The following BNC2 variants were observed in gnomAD, a reference collection of about 807,000 sequenced individuals.
BNC2 encodes the protein basonuclin zinc finger protein 2.
A neutral mutation model predicts 76.3 loss-of-function variants in BNC2; 20 were observed. The ratio of observed to expected loss-of-function variants is 0.26; its 90% CI spans 0.18 to 0.38. The LOEUF (loss-of-function observed/expected upper bound fraction) is 0.38. Ranked by LOEUF, BNC2 falls within the 10% of genes least tolerant of loss-of-function variation. The pLI is 1.00. For missense variants in BNC2, 1,382 were observed against 1,399.8 expected (o/e 0.99, Z 0.20); for synonymous variants, 582 against 514.8 (o/e 1.13, Z -1.77).
chr9:16,572,280 T>C (rs923608631), intron 4 of BNC2, among the ~76,000 whole-genome samples: 1 of 152,228 alleles, frequency 6.6e-6, no homozygotes, highest in Non-Finnish European at 1.5e-5. Context: ...CTTTCACTTA[T>C]TTTGTTGTCT....
At chr9:16,678,418 C>T (rs1032049974) in intron 3 of BNC2, among the ~76,000 whole-genome samples, 2 of 151,404 alleles carry the variant, frequency 1.3e-5, no homozygotes, top group Non-Finnish European at 2.9e-5. Context: ...CAGGCACACG[C>T]CACCATGCCC....
At chr9:16,686,796 T>C (rs958651306) in intron 3 of BNC2, among the ~76,000 whole-genome samples, 20 of 152,166 alleles carry the variant, frequency 1.3e-4, no homozygotes, top group African/African-American at 4.8e-4. Flanking sequence ...TGAATATCAC[T>C]GGAAAGAAAA....
intron 5 of BNC2, among the ~76,000 whole-genome samples, chr9:16,472,538 C>G (rs1821847499): frequency 6.6e-6 from 1 of 152,214 alleles, no homozygotes; most frequent in South Asian, 2.1e-4. Context: ...GCTTAGTTAC[C>G]TTCCAACTCC....
chr9:16,793,992 G>A (rs770584152), intron 1 of BNC2, among the ~76,000 whole-genome samples: 4 of 150,670 alleles, frequency 2.7e-5, no homozygotes, highest in South Asian at 2.1e-4. Flanking sequence ...GTGAGCCACC[G>A]CGCCGGGCCT....
chr9:16,461,455 T>C (rs543118947), intron 5 of BNC2, among the ~76,000 whole-genome samples: 4 of 152,320 alleles, frequency 2.6e-5, no homozygotes, highest in East Asian at 1.9e-4. Flanking sequence ...AATGAAGCAA[T>C]TGCATAGGTT....
intron 2 of BNC2, among the ~76,000 whole-genome samples, chr9:16,730,359 G>A (rs1033976218): frequency 2.0e-5 from 3 of 152,130 alleles, no homozygotes; most frequent in Admixed American, 2.0e-4. Flanking sequence ...TGAGAAATGT[G>A]CTCAAAGCAA....
intron 1 of BNC2, among the ~76,000 whole-genome samples, chr9:16,845,698 G>A (rs956638743): frequency 6.6e-6 from 1 of 152,072 alleles, no homozygotes; most frequent in Admixed American, 6.6e-5. Context: ...TCCAGCCTGG[G>A]CGACAAAGCA....
At chr9:16,434,931 C>T in intron 6 of BNC2, 2 of 469,530 alleles carry the variant, frequency 4.3e-6, no homozygotes, top group Non-Finnish European at 8.8e-6. Flanking sequence ...CCCACATCAA[C>T]AATTACATCT....
rs1281308581 is a variant in BNC2 at position 16,411,329 on chromosome 9, A to G, written c.*7660T>C. 6.6e-6 allele frequency: 1 copy of G among 152,610 alleles called. No homozygotes were observed. The highest frequency in any genetic ancestry group is 1.5e-5 in the Non-Finnish European group (1 of 68,036). The allele number at this position is 152,610 out of a possible 1,614,324, so 9.5% of individuals were successfully genotyped here. On this transcript the variant is annotated 3_prime_UTR_variant, in exon 7 of 7. Transcript: ENST00000380672. ...TAGATACTCTCTCTTCAAGAAATAT[A>G]CTTTCAATACTATCTACTTCTCTCC...
chr9:16,719,553 C>T (rs1004948016), intron 3 of BNC2, among the ~76,000 whole-genome samples: 2 of 152,122 alleles, frequency 1.3e-5, no homozygotes, highest in Non-Finnish European at 2.9e-5. Context: ...CACTAAAAGA[C>T]ACCTTAATAA....
At chr9:16,643,407 C>G (rs1222350731) in intron 3 of BNC2, among the ~76,000 whole-genome samples, 2 of 151,766 alleles carry the variant, frequency 1.3e-5, no homozygotes, top group Admixed American at 1.3e-4. Context: ...TTCTGTAAGT[C>G]TCAGCAACCC....
In BNC2 at chr9:16,552,442, C is replaced by T. The variant is rs975045570; in HGVS notation, c.669+88G>A. 1.6e-5 allele frequency: 17 copies of T among 1,080,934 alleles called. No homozygotes were observed. The East Asian group carries it at 4.3e-4, about 28-fold the overall frequency. The allele number at this position is 1,080,934 out of a possible 1,614,324, so 67.0% of individuals were successfully genotyped here. On this transcript the variant is annotated intron_variant, in intron 5 of 6. Coordinates refer to ENST00000380672, the MANE Select transcript of BNC2 (RefSeq NM_017637.6). ...ACTTTAACCAGAGGAGGGTGTGCAG[C>T]CCTTCCTGCGAGGTTTGTCAAGGAC...
At chr9:16,590,824 A>T (rs931545860) in intron 3 of BNC2, among the ~76,000 whole-genome samples, 2 of 152,096 alleles carry the variant, frequency 1.3e-5, no homozygotes, top group African/African-American at 4.8e-5. Context: ...CACACACAAA[A>T]GACGTCTATC....
At chr9:16,421,910 C>A (rs1820718463) in intron 6 of BNC2, among the ~76,000 whole-genome samples, 1 of 152,196 alleles carries the variant, frequency 6.6e-6, no homozygotes, top group South Asian at 2.1e-4. Context: ...TTCACGAGCA[C>A]ACATTTTGCG....
intron 1 of BNC2, among the ~76,000 whole-genome samples, chr9:16,825,149 G>A (rs1818424606): frequency 6.6e-6 from 1 of 152,030 alleles, no homozygotes; most frequent in Admixed American, 6.6e-5. Context: ...GCCGAATGAG[G>A]AGGTATGTCA....
intron 3 of BNC2, chr9:16,705,133 TCACCCCCACCCC>T (rs1226257985): frequency 6.6e-6 from 1 of 150,822 alleles, no homozygotes; most frequent in Admixed American, 6.6e-5. Flanking sequence ...AGTCTCTAAG[TCACCCCCACCCC>T]CACCCCCACC....
intron 3 of BNC2, among the ~76,000 whole-genome samples, chr9:16,624,129 A>C (rs1342867479): frequency 6.6e-6 from 1 of 152,196 alleles, no homozygotes; most frequent in Admixed American, 6.5e-5. Flanking sequence ...TCCAGAAACC[A>C]CTAAAACATT....
intron 1 of BNC2, among the ~76,000 whole-genome samples, chr9:16,807,951 C>G (rs181596369): frequency 1.3e-5 from 2 of 152,102 alleles, no homozygotes; most frequent in Admixed American, 1.3e-4. Context: ...GCATGGCTAC[C>G]TATGTGGCAG....
intron 3 of BNC2, among the ~76,000 whole-genome samples, chr9:16,678,202 A>T (rs962898228): frequency 6.6e-6 from 1 of 151,816 alleles, no homozygotes; most frequent in Non-Finnish European, 1.5e-5. Flanking sequence ...ATTTTTAGCA[A>T]AACAACTCTT....
Sources: gnomAD v4.1 joint callset for allele counts (sites outside exome capture counted in the v4.1 genomes callset) on GRCh38, gnomAD v4.1.1 for gene constraint, MANE v1.5 for transcripts, NCBI Gene and HGNC (gene_info 2026-07-23, HGNC 2026-07-21) for gene names.